The following TMEM45B variants were observed in gnomAD, a reference collection of about 807,000 sequenced individuals.
The protein encoded by TMEM45B is transmembrane protein 45B.
Under a neutral mutation model 27.3 loss-of-function variants are expected in TMEM45B, and 29 were observed. That is an observed-to-expected ratio of 1.06 (90% CI 0.79 to 1.45). The LOEUF is 1.45. Among genes scored for constraint, TMEM45B ranks in the 40% most tolerant of loss-of-function variants. The pLI is 0.00. For synonymous variants in TMEM45B, 143 were observed against 134.7 expected, an observed-to-expected ratio of 1.06 and a Z score of -0.43; for missense variants, 348 against 343.9, an observed-to-expected ratio of 1.01 and a Z score of -0.09.
chr11:129,859,549 C>T lies in TMEM45B; in HGVS notation c.*864C>T, dbSNP rs1329014178. On this transcript the variant is annotated 3_prime_UTR_variant, in exon 6 of 6. Transcript: ENST00000281441. ...ATCTGTTCTTTTTTTAAAAAAACTT[C>T]CTTCACCGCGCCTATAATCCTAGCA... 1 of 152,062 alleles carries T rather than the reference C, an allele frequency of 6.6e-6. No individual in the cohort carries two copies. Among genetic ancestry groups the T allele is most frequent in the African/African-American group, 2.4e-5 (1 of 41,410 alleles). 9.4% of individuals were successfully genotyped at this position (152,062 alleles called of 1,614,324 possible).
chr11:129,824,454 TG>T (rs1414935221), intron 1 of TMEM45B, among the ~76,000 whole-genome samples: 24 of 152,332 alleles, frequency 1.6e-4, no homozygotes, highest in Non-Finnish European at 1.5e-5. Flanking sequence ...AGATATCATC[TG>T]GGGGGAAAGG....
intron 1 of TMEM45B, among the ~76,000 whole-genome samples, chr11:129,825,200 T>A (rs1438718745): frequency 6.6e-6 from 1 of 151,858 alleles, no homozygotes; most frequent in Non-Finnish European, 1.5e-5. Context: ...CCAAATGAGA[T>A]CATTGCTGCA....
chr11:129,841,970 CTAAA>C (rs1947701806), intron 1 of TMEM45B, among the ~76,000 whole-genome samples: 1 of 152,054 alleles, frequency 6.6e-6, no homozygotes, highest in South Asian at 2.1e-4. Context: ...AATAGGGAAT[CTAAA>C]TAGAGAAATA....
intron 2 of TMEM45B, among the ~76,000 whole-genome samples, chr11:129,853,247 C>T (rs995170653): frequency 3.3e-5 from 5 of 152,188 alleles, no homozygotes; most frequent in African/African-American, 1.2e-4. Context: ...CCTTCGCATC[C>T]ACTCCGCTCC....
intron 1 of TMEM45B, among the ~76,000 whole-genome samples, chr11:129,816,516 GC>G (rs1947353169): frequency 6.6e-6 from 1 of 152,160 alleles, no homozygotes; most frequent in South Asian, 2.1e-4. Context: ...CGTTAATGGA[GC>G]CATGGATGGA....
chr11:129,822,655 A>G (rs1947432440), intron 1 of TMEM45B, among the ~76,000 whole-genome samples: 1 of 152,126 alleles, frequency 6.6e-6, no homozygotes, highest in Admixed American at 6.5e-5. Context: ...GAGGTCTAGG[A>G]TTCAAAATGG....
chr11:129,848,155 C>T (rs1158745603), intron 1 of TMEM45B, among the ~76,000 whole-genome samples: 1 of 152,036 alleles, frequency 6.6e-6, no homozygotes, highest in African/African-American at 2.4e-5. Context: ...CTTTGGGAGG[C>T]CAAGGCAGGC....
intron 2 of TMEM45B, among the ~76,000 whole-genome samples, chr11:129,853,560 G>A (rs2135601400): frequency 6.6e-6 from 1 of 152,326 alleles, no homozygotes; most frequent in East Asian, 1.9e-4. Context: ...CATCAACCTT[G>A]CCTAAATAAA....
intron 2 of TMEM45B, among the ~76,000 whole-genome samples, chr11:129,853,507 C>T (rs932351278): frequency 3.9e-5 from 6 of 152,212 alleles, no homozygotes; most frequent in African/African-American, 1.2e-4. Flanking sequence ...AGAGGCCTCC[C>T]GTGAGAAGTG....
chr11:129,854,633 C>A lies in TMEM45B; in HGVS notation c.202C>A (p.Pro68Thr), dbSNP rs935273659. ...AGGGATCCTGGCAGAGCAGTTTGTT[C>A]CGGATGGGCCCCACCTGCACCTCTA... ...VTGILAEQFV[P>T]DGPHLHLYHE... The change falls in exon 3 of 6, where the codon CCG (proline) becomes ACG (threonine). Residue 68 changes from proline (P) to threonine (T), a missense_variant. Coordinates refer to ENST00000281441, the MANE Select transcript of TMEM45B (RefSeq NM_138788.5). 17 of 1,614,096 alleles carry A rather than the reference C, an allele frequency of 1.1e-5. No individual in the cohort carries two copies. In the African/African-American group the frequency reaches 1.2e-4, roughly 11 times the overall value.
In TMEM45B at chr11:129,857,435, C is replaced by A. The variant is rs1256269791; in HGVS notation, c.693C>A (p.Ala231=). Residue 231 remains alanine, a synonymous_variant, in exon 5 of 6, where the codon GCC becomes GCA. Coordinates refer to ENST00000281441, the MANE Select transcript of TMEM45B (RefSeq NM_138788.5). ...WHYLAALSIV[A]VNYSLVYCLL... ...ACCTGGCTGCCCTCAGCATTGTGGC[C>A]GTCAACTATTCTCTTGTTTACTGGT... The A allele has an allele frequency of 1.2e-6, 2 of 1,614,122 alleles. No individual in the cohort carries two copies. Among genetic ancestry groups the A allele is most frequent in the Non-Finnish European group, 1.7e-6 (2 of 1,180,022 alleles).
In TMEM45B at chr11:129,856,555, C is replaced by CTTTT. The variant is rs1467854451; in HGVS notation, c.570+680_570+683dup. Among the ~76,000 whole-genome samples the CTTTT allele has an allele frequency of 1.9e-3, 186 of 97,922 alleles. 13 individuals are homozygous for CTTTT. The highest frequency in any genetic ancestry group is 7.3e-3 in the African/African-American group (176 of 24,244). 64.2% of individuals were successfully genotyped at this position (97,922 alleles called of 152,430 possible). ...TATACAACCAAAATTAAGCTGAAGC[C>CTTTT]TTTTTTTTTTTTTTTTTTTTCTGAG... On this transcript the variant is annotated intron_variant, in intron 4 of 5. Transcript: ENST00000281441.
chr11:129,858,890 A>G lies in TMEM45B; in HGVS notation c.*205A>G, dbSNP rs2135619970. ...TGCAGTTGGGATTTTTAAACATACTATAAAGTCTGTGTTGGTATAGTACCC... is the reference window on the plus strand; with the variant it reads ...TGCAGTTGGGATTTTTAAACATACTGTAAAGTCTGTGTTGGTATAGTACCC... On this transcript the variant is annotated 3_prime_UTR_variant, in exon 6 of 6. Coordinates refer to ENST00000281441, the MANE Select transcript of TMEM45B (RefSeq NM_138788.5). The G allele has an allele frequency of 2.4e-6, 1 of 411,128 alleles. No individual in the cohort carries two copies. The highest frequency in any genetic ancestry group is 4.4e-6 in the Non-Finnish European group (1 of 224,760). The allele number at this position is 411,128 out of a possible 1,614,324, so 25.5% of individuals were successfully genotyped here. A position where few individuals can be genotyped will look rare whatever the true frequency, so the allele number is the denominator to read the frequency against.
intron 1 of TMEM45B, among the ~76,000 whole-genome samples, chr11:129,816,895 G>T (rs1443261598): frequency 2.7e-5 from 4 of 148,306 alleles, no homozygotes; most frequent in Non-Finnish European, 5.9e-5. Context: ...CCGCCACCAC[G>T]CCCGGCTAAT....
chr11:129,819,484 C>T (rs1947392090), intron 1 of TMEM45B, among the ~76,000 whole-genome samples: 3 of 152,134 alleles, frequency 2.0e-5, no homozygotes, highest in Admixed American at 1.3e-4. Flanking sequence ...AGCAGAAAGA[C>T]GGGCAGAGGC....
rs761129494 is a variant in TMEM45B, at chr11:129,852,512, A to G, written c.30A>G (p.Pro10=). 1 of 1,608,708 alleles carries G rather than the reference A, an allele frequency of 6.2e-7. No homozygotes were observed. The highest frequency in any genetic ancestry group is 1.7e-5 in the Admixed American group (1 of 59,920). Reference sequence around the variant, plus strand: ...CAAATTTCAAGGGCCACGCGCTTCCAGGGAGTTTCTTCCTGATCATTGGGC... The same window carrying G: ...CAAATTTCAAGGGCCACGCGCTTCCGGGGAGTTTCTTCCTGATCATTGGGC... MANFKGHAL[P]GSFFLIIGLC... The change falls in exon 2 of 6, where the codon CCA becomes CCG. Residue 10 remains proline (P), a synonymous_variant. Transcript: ENST00000281441.
At chr11:129,819,424 C>A (rs756734836) in intron 1 of TMEM45B, among the ~76,000 whole-genome samples, 4 of 152,122 alleles carry the variant, frequency 2.6e-5, no homozygotes, top group Non-Finnish European at 5.9e-5. Flanking sequence ...TGTGTCTTCC[C>A]GCACCACCCT....
intron 5 of TMEM45B, 82 bp downstream of exon 5, chr11:129,857,540 C>T (rs899357447): frequency 7.8e-6 from 12 of 1,532,180 alleles, no homozygotes; most frequent in South Asian, 2.3e-5. Flanking sequence ...CTGATGAGTG[C>T]CGACTACAGG....
intron 1 of TMEM45B, among the ~76,000 whole-genome samples, chr11:129,844,511 C>T (rs545890995): frequency 3.3e-5 from 5 of 152,214 alleles, no homozygotes; most frequent in South Asian, 2.1e-4. Context: ...CATAGCGAGA[C>T]GTTGTCTCTA....
Sources: allele counts gnomAD v4.1 joint callset (sites outside exome capture counted in the v4.1 genomes callset), GRCh38; gene constraint gnomAD v4.1.1; transcripts MANE v1.5; gene names NCBI Gene and HGNC (gene_info 2026-07-23, HGNC 2026-07-21).